Variants in COBLL1 observed in about 807,000 individuals in gnomAD.
COBLL1 encodes cordon-bleu protein-like 1.
A neutral mutation model predicts 94.8 loss-of-function variants in COBLL1; 50 were observed. The observed-to-expected ratio is 0.53, with a 90% CI of 0.42 to 0.67. COBLL1 has a LOEUF of 0.67. COBLL1 is among the 30% of genes least tolerant of loss of function. The pLI, the probability that COBLL1 is intolerant of heterozygous loss-of-function variation, is 0.00. For missense variants in COBLL1, 1,362 were observed against 1,348.7 expected (o/e 1.01, Z -0.15); for synonymous variants, 448 against 473.8 (o/e 0.95, Z 0.71).
intron 9 of COBLL1, among the ~76,000 whole-genome samples, chr2:164,701,210 A>G (rs1684238099): frequency 6.6e-6 from 1 of 152,168 alleles, no homozygotes; most frequent in African/African-American, 2.4e-5. Flanking sequence ...AGTACCAACT[A>G]TACTTGAGAA....
In COBLL1 at chr2:164,684,553, T is replaced by TG. The variant is rs1683190770; in HGVS notation, c.*1392dup. ...TTTAGCATTTAAGATGGCCATGCCA[T>TG]GTATCAGGAACTATGCTAAACATTT... On this transcript the variant is annotated 3_prime_UTR_variant, in exon 14 of 14. Transcript: ENST00000652658. 1 of 152,172 alleles carries TG rather than the reference T, an allele frequency of 6.6e-6. No individual in the cohort carries two copies. Among genetic ancestry groups the TG allele is most frequent in the Non-Finnish European group, 1.5e-5 (1 of 68,004 alleles). 9.4% of individuals were successfully genotyped at this position (152,172 alleles called of 1,614,324 possible).
intron 2 of COBLL1, among the ~76,000 whole-genome samples, chr2:164,787,056 A>G (rs1688994206): frequency 1.3e-5 from 2 of 152,052 alleles, no homozygotes; most frequent in African/African-American, 4.8e-5. Context: ...CTCACCATCC[A>G]TGTCTATCAC....
intron 1 of COBLL1, among the ~76,000 whole-genome samples, chr2:164,667,272 T>C (rs752872333): frequency 6.6e-6 from 1 of 152,192 alleles, no homozygotes; most frequent in Non-Finnish European, 1.5e-5. Flanking sequence ...CTGTCATCCA[T>C]GCTTTGGTGT....
intron 2 of COBLL1, among the ~76,000 whole-genome samples, chr2:164,758,898 A>C (rs955259167): frequency 3.3e-5 from 5 of 152,106 alleles, no homozygotes; most frequent in African/African-American, 1.2e-4. Context: ...TGAAGCAATA[A>C]ATATAGAAAA....
chr2:164,712,619 G>A (rs1359205699), intron 7 of COBLL1, among the ~76,000 whole-genome samples: 1 of 151,998 alleles, frequency 6.6e-6, no homozygotes, highest in East Asian at 1.9e-4. Flanking sequence ...ATGGAAGAAT[G>A]TTAAAAAATT....
intron 4 of COBLL1, 96 bp downstream of exon 4, chr2:164,729,818 A>T (rs751276105): frequency 2.3e-5 from 25 of 1,066,260 alleles, no homozygotes; most frequent in Non-Finnish European, 2.9e-5. Flanking sequence ...TCACATTCAC[A>T]TCAAATTTAA....
intron 9 of COBLL1, among the ~76,000 whole-genome samples, chr2:164,704,090 T>C (rs1259538985): frequency 6.6e-6 from 1 of 152,164 alleles, no homozygotes. Flanking sequence ...TTCCTGTAAG[T>C]TTTCTTCTGC....
chr2:164,793,416 T>C (rs747564309), intron 2 of COBLL1, among the ~76,000 whole-genome samples: 29 of 152,172 alleles, frequency 1.9e-4, no homozygotes, highest in South Asian at 8.3e-4. Flanking sequence ...ATCTCATAAA[T>C]TTAATTCTTT....
Position 164,841,447 on chromosome 2 carries a change from G to A in COBLL1, c.-50-201C>T. 8.7e-7 allele frequency: 1 copy of A among 1,150,174 alleles called. No homozygotes were observed. The highest frequency in any genetic ancestry group is 4.3e-5 in the East Asian group (1 of 23,422). The allele number at this position is 1,150,174 out of a possible 1,614,324, so 71.2% of individuals were successfully genotyped here. A position where few individuals can be genotyped will look rare whatever the true frequency, so the allele number is the denominator to read the frequency against. On this transcript the variant is annotated intron_variant, in intron 1 of 13. Coordinates refer to ENST00000652658, the MANE Select transcript of COBLL1 (RefSeq NM_001365672.2). The surrounding 1 kb of genome is among the most constrained non-coding windows in gnomAD (Gnocchi z 5.5). ...CTACAAGGTCTAGCGGGCGCCCAGA[G>A]CACGGCGGAGGAGGCGGTGGCGCTG...
chr2:164,769,097 G>A (rs1375719235), intron 2 of COBLL1, among the ~76,000 whole-genome samples: 1 of 152,018 alleles, frequency 6.6e-6, no homozygotes, highest in Non-Finnish European at 1.5e-5. Context: ...ATAAAACATG[G>A]TTGAATGATT....
At chr2:164,738,784 A>C (rs1048777553) in intron 3 of COBLL1, among the ~76,000 whole-genome samples, 1 of 152,174 alleles carries the variant, frequency 6.6e-6, no homozygotes, top group Non-Finnish European at 1.5e-5. Flanking sequence ...CTGGAAATCC[A>C]AAATTTGAAA....
intron 2 of COBLL1, among the ~76,000 whole-genome samples, chr2:164,787,122 G>A (rs1020932217): frequency 6.6e-6 from 1 of 152,046 alleles, no homozygotes; most frequent in Non-Finnish European, 1.5e-5. Context: ...CTAAGGAATT[G>A]GACATCTGGC....
chr2:164,740,863 A>G (rs1226447815), intron 3 of COBLL1, among the ~76,000 whole-genome samples: 1 of 152,172 alleles, frequency 6.6e-6, no homozygotes, highest in Non-Finnish European at 1.5e-5. Context: ...TAACTGGAGA[A>G]AATGAGGCTA....
intron 2 of COBLL1, among the ~76,000 whole-genome samples, chr2:164,768,153 T>C (rs1290032712): frequency 1.3e-5 from 2 of 152,206 alleles, no homozygotes; most frequent in Non-Finnish European, 2.9e-5. Context: ...GATTTTTTTT[T>C]AGTTTGTCCA....
intron 2 of COBLL1, among the ~76,000 whole-genome samples, chr2:164,751,431 T>C (rs1432732857): frequency 1.3e-5 from 2 of 152,034 alleles, no homozygotes; most frequent in Non-Finnish European, 2.9e-5. Flanking sequence ...GTCATATTAG[T>C]TTCATCAGTT....
At chr2:164,762,696 C>CT (rs71028440) in intron 2 of COBLL1, among the ~76,000 whole-genome samples, 20,587 of 132,752 alleles carry the variant, frequency 0.16, 2,462 homozygotes, top group African/African-American at 0.31. Flanking sequence ...GCCTATCATC[C>CT]TTTTTTTTTT....
intron 13 of COBLL1, among the ~76,000 whole-genome samples, chr2:164,690,220 G>C (rs539141180): frequency 1.8e-4 from 28 of 152,122 alleles, no homozygotes; most frequent in African/African-American, 6.3e-4. Flanking sequence ...CATGAAGTTT[G>C]TATATTGTGA....
chr2:164,694,762 C>T lies in COBLL1; in HGVS notation c.2630G>A (p.Gly877Asp). 1 of 1,613,694 alleles carries T rather than the reference C, an allele frequency of 6.2e-7. No individual in the cohort carries two copies. The highest frequency in any genetic ancestry group is 8.5e-7 in the Non-Finnish European group (1 of 1,179,924). Residue 877 changes from glycine (G) to aspartate (D), a missense_variant, in exon 12 of 14, where the codon GGT becomes GAT. Gly to Asp is a moderately conservative substitution (Grantham distance 94). Coordinates refer to ENST00000652658, the MANE Select transcript of COBLL1 (RefSeq NM_001365672.2). ...GGCAGCTGCAGATGTCACATAGTGA[C>T]CCGATACTCTCTTCTGCATCTGCAA... ...FFLQMQKRVSGHYVTSAAAKS... is the reference protein window; with the variant it reads ...FFLQMQKRVSDHYVTSAAAKS...
At chr2:164,809,204 T>A (rs950433287) in intron 2 of COBLL1, among the ~76,000 whole-genome samples, 1 of 152,050 alleles carries the variant, frequency 6.6e-6, no homozygotes, top group Non-Finnish European at 1.5e-5. Flanking sequence ...TCAATAGAAA[T>A]CACAGTTGAA....
Sources: allele counts gnomAD v4.1 joint callset (sites outside exome capture counted in the v4.1 genomes callset), GRCh38; gene constraint gnomAD v4.1.1; non-coding constraint Gnocchi (gnomAD v3.1); transcripts MANE v1.5; gene names NCBI Gene and HGNC (gene_info 2026-07-23, HGNC 2026-07-21).